Variants in CPED1 observed in about 807,000 individuals in gnomAD.
The protein encoded by CPED1 is cadherin like and PC-esterase domain containing 1, also known as cadherin-like and PC-esterase domain-containing protein 1.
In CPED1, 114 loss-of-function variants were observed where a neutral mutation model predicts 128.2. The observed-to-expected ratio is 0.89, with a 90% confidence interval of 0.76 to 1.04. The LOEUF (loss-of-function observed/expected upper bound fraction) is 1.04, where lower values mean the gene tolerates loss of function less well. Among genes scored for constraint, CPED1 ranks in the 50% least tolerant of loss-of-function variants. The probability of loss-of-function intolerance (pLI) is 0.00; values close to 1 mark genes in which losing one functional copy is unlikely to be tolerated. For synonymous variants in CPED1, 462 were observed against 426.7 expected (o/e 1.08, Z -1.02); for missense variants, 1,211 against 1,207.1 (o/e 1.00, Z -0.05).
intron 16 of CPED1, among the ~76,000 whole-genome samples, chr7:121,230,714 C>T (rs1185195420): frequency 1.3e-5 from 2 of 152,008 alleles, no homozygotes; most frequent in Non-Finnish European, 2.9e-5. Flanking sequence ...GAGAAAGGAA[C>T]AGCCTCTGTA....
At chr7:121,067,552 T>A (rs1386683299) in intron 5 of CPED1, among the ~76,000 whole-genome samples, 1 of 152,210 alleles carries the variant, frequency 6.6e-6, no homozygotes, top group Non-Finnish European at 1.5e-5. Flanking sequence ...TTTGCTATTG[T>A]GAATAGTGCC....
intron 16 of CPED1, among the ~76,000 whole-genome samples, chr7:121,197,424 C>A (rs1181600408): frequency 6.6e-6 from 1 of 152,100 alleles, no homozygotes; most frequent in African/African-American, 2.4e-5. Context: ...GTACATCAAG[C>A]ACTGTTCTCA....
intron 3 of CPED1, among the ~76,000 whole-genome samples, chr7:121,026,622 AATCAGAAT>A (rs1436229335): frequency 6.6e-6 from 1 of 151,674 alleles, no homozygotes; most frequent in Non-Finnish European, 1.5e-5. Flanking sequence ...CAGAAAATTA[AATCAGAAT>A]TTTGGGGGAG....
intron 3 of CPED1, among the ~76,000 whole-genome samples, chr7:121,034,085 G>A (rs989930117): frequency 3.3e-5 from 5 of 152,062 alleles, no homozygotes; most frequent in African/African-American, 9.7e-5. Flanking sequence ...CACTAAAACC[G>A]CTTTTGCTGT....
intron 2 of CPED1, among the ~76,000 whole-genome samples, chr7:121,009,717 T>C (rs1286375891): frequency 4.0e-5 from 6 of 151,642 alleles, no homozygotes; most frequent in Non-Finnish European, 8.8e-5. Flanking sequence ...AATCAAAGAA[T>C]GGAATATCTC....
At chr7:121,063,607 A>G (rs1481506511) in intron 4 of CPED1, among the ~76,000 whole-genome samples, 1 of 152,094 alleles carries the variant, frequency 6.6e-6, no homozygotes, top group African/African-American at 2.4e-5. Flanking sequence ...ATTTATACTG[A>G]TCTGTTGGTT....
chr7:121,033,896 G>T (rs1024131665), intron 3 of CPED1, among the ~76,000 whole-genome samples: 7 of 152,160 alleles, frequency 4.6e-5, no homozygotes, highest in Non-Finnish European at 1.0e-4. Flanking sequence ...TTAGAAATTA[G>T]TGGTTCTCTC....
rs768224111 is a variant in CPED1 at position 121,266,722 on chromosome 7, G to A, written c.2547G>A (p.Glu849=). Residue 849 remains glutamate (E), a synonymous_variant, in exon 20 of 23, where the codon GAG becomes GAA. Transcript: ENST00000310396. ...TGAATTTCAGATCACGTCCCCTAGAGAATACTGGCCAGACTGTATTGGTTG... is the reference window on the plus strand; with the variant it reads ...TGAATTTCAGATCACGTCCCCTAGAAAATACTGGCCAGACTGTATTGGTTG... ...EHLLQRSRPL[E]NTGQTVLVVG... 2.5e-6 allele frequency: 4 copies of A among 1,612,680 alleles called. No individual in the cohort carries two copies. In the South Asian group the frequency reaches 3.3e-5, roughly 13 times the overall value.
intron 5 of CPED1, among the ~76,000 whole-genome samples, chr7:121,094,013 C>A (rs1407143473): frequency 6.6e-6 from 1 of 152,090 alleles, no homozygotes; most frequent in Non-Finnish European, 1.5e-5. Context: ...ATATTAGTTT[C>A]TATTTGCTAT....
At chr7:121,292,630 T>G (rs1792732209) in intron 22 of CPED1, among the ~76,000 whole-genome samples, 1 of 152,180 alleles carries the variant, frequency 6.6e-6, no homozygotes, top group African/African-American at 2.4e-5. Context: ...CTTTTTGTGC[T>G]GGCTTTTCCT....
chr7:121,221,137 C>G (rs554263115), intron 16 of CPED1, among the ~76,000 whole-genome samples: 6 of 152,160 alleles, frequency 3.9e-5, no homozygotes, highest in African/African-American at 7.2e-5. Context: ...CGACAGGCCC[C>G]TGTGTGTGAT....
chr7:121,283,843 T>G (rs1252189830), intron 22 of CPED1, among the ~76,000 whole-genome samples: 1 of 152,220 alleles, frequency 6.6e-6, no homozygotes, highest in African/African-American at 2.4e-5. Flanking sequence ...CAACTGTCTG[T>G]GCAGAGCCTT....
intron 16 of CPED1, among the ~76,000 whole-genome samples, chr7:121,198,418 C>G (rs1347994185): frequency 6.6e-6 from 1 of 152,026 alleles, no homozygotes; most frequent in African/African-American, 2.4e-5. Context: ...ATGAGTAAAT[C>G]AGATCCATTT....
intron 16 of CPED1, among the ~76,000 whole-genome samples, chr7:121,157,617 C>T (rs1381498542): frequency 1.3e-5 from 2 of 152,042 alleles, no homozygotes; most frequent in African/African-American, 2.4e-5. Context: ...ATCAGTAAAC[C>T]TCAATAATTT....
rs193212970 is a variant in CPED1 at position 121,138,943 on chromosome 7, G to A, written c.1700-1884G>A. On this transcript the variant is annotated intron_variant, in intron 14 of 22. Coordinates refer to ENST00000310396, the MANE Select transcript of CPED1 (RefSeq NM_024913.5). ...TTGTGCTTATCTCGGGGTCTTTAACGGAGAAATTTCTGGAGAAAAAACTTT... is the reference window on the plus strand; with the variant it reads ...TTGTGCTTATCTCGGGGTCTTTAACAGAGAAATTTCTGGAGAAAAAACTTT... Among the ~76,000 whole-genome samples, 176 of 151,608 alleles carry A rather than the reference G, an allele frequency of 1.2e-3. 1 individual carries two copies. The Middle Eastern group carries it at 0.017, about 15-fold the overall frequency.
rs111266478 is a variant in CPED1 at position 121,113,730 on chromosome 7, G to A, written c.919-10601G>A. On this transcript the variant is annotated intron_variant, in intron 7 of 22. Coordinates refer to ENST00000310396, the MANE Select transcript of CPED1 (RefSeq NM_024913.5). ...GACCAGATGAAGATATACTGGAGAC[G>A]AAACCTGAAGAGCTTGAATTTCATG... is the stretch of plus-strand genomic sequence containing the variant. Among the ~76,000 whole-genome samples the A allele has an allele frequency of 7.2e-3, 1,100 of 152,238 alleles. 2 individuals carry two copies. The highest frequency in any genetic ancestry group is 0.011 in the Non-Finnish European group (755 of 68,014).
At chr7:121,022,095 G>A (rs1792454519) in intron 3 of CPED1, among the ~76,000 whole-genome samples, 1 of 151,750 alleles carries the variant, frequency 6.6e-6, no homozygotes, top group South Asian at 2.1e-4. Context: ...CAGGGACCAT[G>A]TCTTTTATGC....
chr7:121,159,320 A>T (rs1021105600), intron 16 of CPED1, among the ~76,000 whole-genome samples: 4 of 152,216 alleles, frequency 2.6e-5, no homozygotes, highest in African/African-American at 9.6e-5. Context: ...AGTTTATTCA[A>T]AACTGCACCA....
At chr7:121,177,306 C>T (rs969513672) in intron 16 of CPED1, among the ~76,000 whole-genome samples, 2 of 151,834 alleles carry the variant, frequency 1.3e-5, no homozygotes, top group East Asian at 1.9e-4. Flanking sequence ...TGTGTGTGTT[C>T]GTGTGTGCAG....
Sources: gnomAD v4.1 joint callset for allele counts (sites outside exome capture counted in the v4.1 genomes callset) on GRCh38, gnomAD v4.1.1 for gene constraint, MANE v1.5 for transcripts, NCBI Gene and HGNC (gene_info 2026-07-23, HGNC 2026-07-21) for gene names.